SMARCAD1: variants seen among roughly 807,000 people sequenced by gnomAD.
SMARCAD1 encodes the protein SNF2 related chromatin remodeling ATPase with DExD box 1.
In SMARCAD1, 25 loss-of-function variants were observed where a neutral mutation model predicts 127.1. That is an observed-to-expected ratio of 0.20 (90% CI 0.14 to 0.27). The LOEUF is 0.27. Among genes scored for constraint, SMARCAD1 ranks in the 10% least tolerant of loss-of-function variants. The pLI, the probability that SMARCAD1 is intolerant of heterozygous loss-of-function variation, is 1.00. For synonymous variants in SMARCAD1, 400 were observed against 396.9 expected, an observed-to-expected ratio of 1.01 and a Z score of -0.09; for missense variants, 807 against 1,206.0, an observed-to-expected ratio of 0.67 and a Z score of 4.90.
At chr4:94,231,363 C>T (rs1331702520) in intron 3 of SMARCAD1, among the ~76,000 whole-genome samples, 2 of 152,102 alleles carry the variant, frequency 1.3e-5, no homozygotes, top group Non-Finnish European at 2.9e-5. Flanking sequence ...AATGCCTTAG[C>T]AGTGAGAGGG....
In SMARCAD1 at chr4:94,289,541, A is replaced by G. The variant is rs1260884929; in HGVS notation, c.*7A>G. On this transcript the variant is annotated 3_prime_UTR_variant, in exon 24 of 24. Coordinates refer to ENST00000354268, the MANE Select transcript of SMARCAD1 (RefSeq NM_020159.5). ...AACATCAATGGGCCTGTGAAATAAG[A>G]ACTGTGAACTCTCAATTGATGAGGA... 4 of 1,608,602 alleles carry G rather than the reference A, an allele frequency of 2.5e-6. No individual in the cohort carries two copies. The highest frequency in any genetic ancestry group is 3.4e-6 in the Non-Finnish European group (4 of 1,175,150).
intron 9 of SMARCAD1, among the ~76,000 whole-genome samples, chr4:94,256,862 G>T (rs371485186): frequency 2.6e-5 from 4 of 152,142 alleles, no homozygotes; most frequent in African/African-American, 9.7e-5. Flanking sequence ...TACATTTTGA[G>T]TACTTTGTAG....
chr4:94,217,803 A>C lies in SMARCAD1; in HGVS notation c.191-8316A>C, dbSNP rs540980216. Reference sequence around the variant, plus strand: ...AAACATTTATTGTGTCATAAAATCAATTTCTTGGGTCCTGACTAAATATGT... The same window carrying C: ...AAACATTTATTGTGTCATAAAATCACTTTCTTGGGTCCTGACTAAATATGT... On this transcript the variant is annotated intron_variant, in intron 2 of 23. Coordinates refer to ENST00000354268, the MANE Select transcript of SMARCAD1 (RefSeq NM_020159.5). Among the ~76,000 whole-genome samples the C allele has an allele frequency of 2.9e-4, 44 of 152,304 alleles. No homozygotes were observed. The South Asian group carries it at 8.7e-3, about 30-fold the overall frequency.
intron 10 of SMARCAD1, among the ~76,000 whole-genome samples, chr4:94,265,188 T>G (rs1056182530): frequency 6.6e-6 from 1 of 151,960 alleles, no homozygotes; most frequent in African/African-American, 2.4e-5. Context: ...GGTAATTGTT[T>G]ATATAATCAG....
rs1048938630 is a variant in SMARCAD1, at chr4:94,264,570, G to A, written c.1282-137G>A. ...CTCAAATATAAACATGAAGAATCAG[G>A]TTCTCTTAGTAGTTGACTATAAGCT... On this transcript the variant is annotated intron_variant, in intron 9 of 23. Transcript: ENST00000354268. The A allele has an allele frequency of 1.1e-5, 7 of 635,138 alleles. 1 individual carries two copies. The African/African-American group carries it at 1.3e-4, about 12-fold the overall frequency. 39.3% of individuals were successfully genotyped at this position (635,138 alleles called of 1,614,324 possible). A position where few individuals can be genotyped will look rare whatever the true frequency, so the allele number is the denominator to read the frequency against.
At chr4:94,245,148 A>T (rs1047655039) in intron 6 of SMARCAD1, among the ~76,000 whole-genome samples, 8 of 152,242 alleles carry the variant, frequency 5.3e-5, no homozygotes, top group Admixed American at 3.9e-4. Context: ...AACAAGCTAT[A>T]TTGATCTAAG....
rs1009449653 is a variant in SMARCAD1 at position 94,281,675 on chromosome 4, G to A, written c.2726+85G>A. The A allele has an allele frequency of 5.5e-6, 5 of 909,768 alleles. No homozygotes were observed. In the Admixed American group the frequency reaches 9.3e-5, roughly 17 times the overall value. 56.4% of individuals were successfully genotyped at this position (909,768 alleles called of 1,614,324 possible). On this transcript the variant is annotated intron_variant, in intron 21 of 23. Coordinates refer to ENST00000354268, the MANE Select transcript of SMARCAD1 (RefSeq NM_020159.5). ...TTAATTGTCTAACAAACAATTGATAGTATTTTGTTGTTTTTATGTTTGATT... is the reference window on the plus strand; with the variant it reads ...TTAATTGTCTAACAAACAATTGATAATATTTTGTTGTTTTTATGTTTGATT...
chr4:94,266,444 T>C (rs576390348), intron 10 of SMARCAD1, among the ~76,000 whole-genome samples: 4 of 152,114 alleles, frequency 2.6e-5, no homozygotes, highest in Non-Finnish European at 2.9e-5. Context: ...TGTTGTTGTT[T>C]TTTTAAGTGC....
chr4:94,258,859 CA>C (rs1750523200), intron 9 of SMARCAD1, among the ~76,000 whole-genome samples: 2 of 152,314 alleles, frequency 1.3e-5, no homozygotes, highest in Non-Finnish European at 2.9e-5. Context: ...ATTTGCATTG[CA>C]AGTGTTGTGT....
At chr4:94,260,738 A>C (rs924100944) in intron 9 of SMARCAD1, among the ~76,000 whole-genome samples, 1 of 152,234 alleles carries the variant, frequency 6.6e-6, no homozygotes, top group African/African-American at 2.4e-5. Context: ...CATATACAAA[A>C]TTCAGAATAA....
At chr4:94,253,691 T>A (rs1168599458) in intron 9 of SMARCAD1, 1 of 995,832 alleles carries the variant, frequency 1.0e-6, no homozygotes. Flanking sequence ...CTTTGCATGA[T>A]CATTTTCTGG....
chr4:94,279,011 A>G lies in SMARCAD1; in HGVS notation c.2379A>G (p.Thr793=), dbSNP rs770134473. 1.2e-6 allele frequency: 2 copies of G among 1,614,148 alleles called. No individual in the cohort carries two copies. The highest frequency in any genetic ancestry group is 1.7e-5 in the Admixed American group (1 of 60,026). Residue 793 remains threonine, a synonymous_variant, in exon 19 of 24, where the codon ACA becomes ACG. Coordinates refer to ENST00000354268, the MANE Select transcript of SMARCAD1 (RefSeq NM_020159.5). ...CTTTATTACATCGCCAATATTACAC[A>G]GCTGAAAAACTCAAGGAAATGTCTC... ...NHPLLHRQYY[T]AEKLKEMSQL...
chr4:94,214,744 G>A (rs1339450961), intron 2 of SMARCAD1, among the ~76,000 whole-genome samples: 2 of 151,948 alleles, frequency 1.3e-5, no homozygotes, highest in African/African-American at 4.8e-5. Flanking sequence ...AAATAGATGG[G>A]TTCATAGATT....
At chr4:94,275,261 T>C (rs1168738928) in intron 14 of SMARCAD1, among the ~76,000 whole-genome samples, 3 of 152,202 alleles carry the variant, frequency 2.0e-5, no homozygotes, top group African/African-American at 4.8e-5. Flanking sequence ...AAATTTGAGA[T>C]ATCCCACCAA....
chr4:94,209,420 T>TA (rs1374349780), intron 2 of SMARCAD1, among the ~76,000 whole-genome samples: 13 of 149,490 alleles, frequency 8.7e-5, no homozygotes, highest in Admixed American at 3.3e-4. Flanking sequence ...ATAAACTAAT[T>TA]AGTTAGTTTC....
rs758297118 is a variant in SMARCAD1, at chr4:94,234,044, A to G, written c.459A>G (p.Glu153=). The G allele has an allele frequency of 6.2e-6, 10 of 1,613,676 alleles. No homozygotes were observed. Among genetic ancestry groups the G allele is most frequent in the Non-Finnish European group, 8.5e-7 (1 of 1,179,820 alleles). The part of the protein sequence containing the change: ...DDISELEDLS[E]LEDLKDAKLQ... ...TTTCAGAACTGGAAGACCTTTCGGA[A>G]TTGGAAGACCTTAAAGATGCTAAAC... Residue 153 remains glutamate (E), a synonymous_variant, in exon 4 of 24, where the codon GAA becomes GAG. Coordinates refer to ENST00000354268, the MANE Select transcript of SMARCAD1 (RefSeq NM_020159.5).
At chr4:94,209,191 C>T (rs529979810) in intron 2 of SMARCAD1, among the ~76,000 whole-genome samples, 5 of 152,302 alleles carry the variant, frequency 3.3e-5, no homozygotes, top group African/African-American at 4.8e-5. Flanking sequence ...CCACTCGAAT[C>T]TATGTTCATT....
At chr4:94,259,304 CTT>C (rs1750600635) in intron 9 of SMARCAD1, among the ~76,000 whole-genome samples, 1 of 152,186 alleles carries the variant, frequency 6.6e-6, no homozygotes, top group African/African-American at 2.4e-5. Flanking sequence ...AGATTAATAA[CTT>C]TATTTAAACC....
chr4:94,286,626 A>G (rs572093561), intron 23 of SMARCAD1, among the ~76,000 whole-genome samples: 3 of 152,214 alleles, frequency 2.0e-5, no homozygotes, highest in South Asian at 4.1e-4. Flanking sequence ...TCCTTTGTCT[A>G]ATTCCCTTAC....
Sources: gnomAD v4.1 joint callset for allele counts (sites outside exome capture counted in the v4.1 genomes callset) on GRCh38, gnomAD v4.1.1 for gene constraint, MANE v1.5 for transcripts, NCBI Gene and HGNC (gene_info 2026-07-23, HGNC 2026-07-21) for gene names.